Variants in TRPV4 observed in about 807,000 individuals in gnomAD.
The protein encoded by TRPV4 is transient receptor potential cation channel subfamily V member 4.
In TRPV4, 58 loss-of-function variants were observed where a neutral mutation model predicts 84.1. The ratio of observed to expected loss-of-function variants is 0.69; its 90% confidence interval spans 0.56 to 0.86. The LOEUF (loss-of-function observed/expected upper bound fraction) is 0.86, where lower values mean the gene tolerates loss of function less well. Ranked by LOEUF, TRPV4 falls within the 40% of genes least tolerant of loss-of-function variation. The pLI is 0.00. For synonymous variants in TRPV4, 489 were observed against 500.9 expected (o/e 0.98, Z 0.32); for missense variants, 879 against 1,181.1 (o/e 0.74, Z 3.75).
chr12:109,814,276 T>G lies in TRPV4; in HGVS notation c.386+135A>C, dbSNP rs1592862858. On this transcript the variant is annotated intron_variant, in intron 2 of 15. Coordinates refer to ENST00000261740, the MANE Select transcript of TRPV4 (RefSeq NM_021625.5). The surrounding 1 kb of genome is among the most constrained non-coding windows in gnomAD (Gnocchi z 5.4). Reference sequence around the variant, plus strand: ...AGATGAATAGATGGATGGATAGATGTATGGATGGTTGGATGGACAGATGGA... The same window carrying G: ...AGATGAATAGATGGATGGATAGATGGATGGATGGTTGGATGGACAGATGGA... The G allele has an allele frequency of 4.0e-6, 4 of 999,186 alleles. No individual in the cohort carries two copies. In the South Asian group the frequency reaches 4.1e-5, roughly 10 times the overall value. 61.9% of individuals were successfully genotyped at this position (999,186 alleles called of 1,614,324 possible).
rs1006728180 is a variant in TRPV4, at chr12:109,788,360, G to A, written c.2208+40C>T. The A allele has an allele frequency of 9.4e-6, 15 of 1,593,656 alleles. No individual in the cohort carries two copies. The African/African-American group carries it at 1.6e-4, about 17-fold the overall frequency. On this transcript the variant is annotated intron_variant, in intron 13 of 15. Transcript: ENST00000261740. ...GGGTGGGTCTCCTCGGAAGGACGAG[G>A]GTGGCTGGTAGAGTGGGGCTGGGGG...
intron 1 of TRPV4, among the ~76,000 whole-genome samples, chr12:109,824,213 C>T (rs910839029): frequency 1.3e-5 from 2 of 152,038 alleles, no homozygotes; most frequent in African/African-American, 2.4e-5. Flanking sequence ...GATCCGACCG[C>T]CTCGGCCTCT....
At chr12:109,826,884 G>C (rs1426190200) in intron 1 of TRPV4, among the ~76,000 whole-genome samples, 2 of 152,210 alleles carry the variant, frequency 1.3e-5, no homozygotes, top group African/African-American at 4.8e-5. Context: ...TCACAAAGTG[G>C]CCTCAAAGCA....
chr12:109,791,411 T>C (rs932884651), intron 12 of TRPV4, among the ~76,000 whole-genome samples: 1 of 151,666 alleles, frequency 6.6e-6, no homozygotes, highest in East Asian at 1.9e-4. Flanking sequence ...GTGGGTGCTA[T>C]TTTAAGCCCC....
chr12:109,792,268 AC>A, intron 12 of TRPV4, 94 bp downstream of exon 12: 12 of 898,564 alleles, frequency 1.3e-5, no homozygotes, highest in South Asian at 3.1e-5. Flanking sequence ...AAAAAAAAGA[AC>A]TCAGCAAGGC....
rs1890924664 is a variant in TRPV4 at position 109,803,235 on chromosome 12, A to G, written c.560-92T>C. On this transcript the variant is annotated intron_variant, in intron 3 of 15. Transcript: ENST00000261740. ...GGTACAGAACACTGGGTAGGGGGTCAGATGTCCTGGCTGTCAACATCTCCT... is the reference window on the plus strand; with the variant it reads ...GGTACAGAACACTGGGTAGGGGGTCGGATGTCCTGGCTGTCAACATCTCCT... The G allele has an allele frequency of 7.9e-5, 117 of 1,473,140 alleles. 1 individual carries two copies. The highest frequency in any genetic ancestry group is 1.1e-4 in the Non-Finnish European group (117 of 1,076,026). The allele number at this position is 1,473,140 out of a possible 1,614,324, so 91.3% of individuals were successfully genotyped here.
chr12:109,812,849 G>A (rs185385852), intron 2 of TRPV4, among the ~76,000 whole-genome samples: 2 of 152,300 alleles, frequency 1.3e-5, no homozygotes, highest in Non-Finnish European at 2.9e-5. Flanking sequence ...GTGTATGGCT[G>A]GACAGATGGC....
chr12:109,833,058 T>C (rs1193854829), intron 1 of TRPV4, among the ~76,000 whole-genome samples: 1 of 152,062 alleles, frequency 6.6e-6, no homozygotes, highest in Admixed American at 6.5e-5. Flanking sequence ...GTTCCCTGGC[T>C]TGGGGTCTCA....
Position 109,786,810 on chromosome 12 carries a change from GC to G in TRPV4, c.2235del (p.Glu745AspfsTer8). 1 of 1,613,990 alleles carries G rather than the reference GC, an allele frequency of 6.2e-7. No individual in the cohort carries two copies. Among genetic ancestry groups the G allele is most frequent in the South Asian group, 1.1e-5 (1 of 91,084 alleles). On this transcript the variant is annotated frameshift_variant, in exon 14 of 16. Coordinates refer to ENST00000261740, the MANE Select transcript of TRPV4 (RefSeq NM_021625.5). LOFTEE classifies it high-confidence loss of function. This position sits in a 1 kb window ranked among gnomAD's most constrained non-coding sequence, Gnocchi z 4.5. ...TTCCTCAGGAATACGGGGAAGGAGC[GC>G]TCAATGTCCAGGATGGTGGTGGCCC... Reference protein sequence around the residue: ...LQWATTILDIERSFPVFLRKA... With the variant: ...LQWATTILDIXRSFPVFLRKA...
rs1456136705 is a variant in TRPV4 at position 109,788,453 on chromosome 12, C to T, written c.2155G>A (p.Gly719Ser). 3 of 1,614,214 alleles carry T rather than the reference C, an allele frequency of 1.9e-6. No individual in the cohort carries two copies. The South Asian group carries it at 3.3e-5, about 18-fold the overall frequency. ...LLLNMLIALMGETVGQVSKES... is the reference protein window; with the variant it reads ...LLLNMLIALMSETVGQVSKES... ...TTGGAGACCTGGCCCACTGTCTCGC[C>T]CATGAGGGCAATGAGCATGTTGAGG... The change falls in exon 13 of 16, where the codon GGC becomes AGC. Residue 719 changes from glycine (G) to serine (S), a missense_variant. Coordinates refer to ENST00000261740, the MANE Select transcript of TRPV4 (RefSeq NM_021625.5).
At chr12:109,794,138 T>A in intron 8 of TRPV4, 116 bp from the exon 9 acceptor site, 2 of 1,143,184 alleles carry the variant, frequency 1.7e-6, no homozygotes, top group Non-Finnish European at 2.6e-6. Context: ...CCTCCTTCAC[T>A]CTCTTCCTCC....
chr12:109,808,197 G>A lies in TRPV4; in HGVS notation c.559+99C>T, dbSNP rs965093363. ...ACTTTCCAGGCCAATGCAGTCCACC[G>A]ACCCAAAGAAAGAAGCTGAGGGGAA... On this transcript the variant is annotated intron_variant, in intron 3 of 15. Coordinates refer to ENST00000261740, the MANE Select transcript of TRPV4 (RefSeq NM_021625.5). The A allele has an allele frequency of 2.1e-5, 30 of 1,399,156 alleles. No individual in the cohort carries two copies. In the Middle Eastern group the frequency reaches 6.4e-4, roughly 30 times the overall value. 86.7% of individuals were successfully genotyped at this position (1,399,156 alleles called of 1,614,324 possible). A position where few individuals can be genotyped will look rare whatever the true frequency, so the allele number is the denominator to read the frequency against.
chr12:109,798,548 C>T lies in TRPV4; in HGVS notation c.1152+66G>A. ...ATTAATAATGAATACCAGCAGCAGA[C>T]CCTCGTGTGTGTGTGCAGAGGGGTA... On this transcript the variant is annotated intron_variant, in intron 6 of 15. Coordinates refer to ENST00000261740, the MANE Select transcript of TRPV4 (RefSeq NM_021625.5). The surrounding 1 kb of genome is among the most constrained non-coding windows in gnomAD (Gnocchi z 5.0). The T allele has an allele frequency of 6.3e-7, 1 of 1,584,528 alleles. No homozygotes were observed. The highest frequency in any genetic ancestry group is 1.8e-4 in the Middle Eastern group (1 of 5,472).
At chr12:109,833,270 C>A (rs952926822) in intron 1 of TRPV4, 80 bp downstream of exon 1, 1 of 152,314 alleles carries the variant, frequency 6.6e-6, no homozygotes, top group African/African-American at 2.4e-5. Context: ...CCCCCGGAGC[C>A]GGACGGGCCA....
intron 1 of TRPV4, among the ~76,000 whole-genome samples, chr12:109,820,513 CCTAT>C (rs1892051537): frequency 3.7e-5 from 4 of 106,816 alleles, no homozygotes; most frequent in Admixed American, 3.1e-4. Context: ...CTTCAGCTGC[CCTAT>C]TTTTTTTTTT....
At position 109,820,514 on chromosome 12, in the gene TRPV4, CTATT is replaced by C. The variant is rs1892053997; in HGVS notation, c.-31-5691_-31-5688del. On this transcript the variant is annotated intron_variant, in intron 1 of 15. Transcript: ENST00000261740. ...CTGATCTTCACTTTCTTCAGCTGCCCTATTTTTTTTTTTTTTTTTTTTTTTTTGA... is the reference window on the plus strand; with the variant it reads ...CTGATCTTCACTTTCTTCAGCTGCCCTTTTTTTTTTTTTTTTTTTTTTTGA... 6.5e-5 allele frequency among the ~76,000 whole-genome samples: 8 copies of C among 123,078 alleles called. 2 individuals carry two copies. The highest frequency in any genetic ancestry group is 4.6e-4 in the Admixed American group (5 of 10,800). The allele number at this position is 123,078 out of a possible 152,430, so 80.7% of individuals were successfully genotyped here.
intron 3 of TRPV4, among the ~76,000 whole-genome samples, chr12:109,805,153 C>T (rs922566479): frequency 2.0e-5 from 3 of 152,238 alleles, no homozygotes; most frequent in African/African-American, 7.2e-5. Flanking sequence ...AGCCTGTGGG[C>T]ACCTTGAGGG....
intron 11 of TRPV4, 62 bp from the exon 12 acceptor site, chr12:109,792,491 T>C (rs1358003726): frequency 6.3e-7 from 1 of 1,592,432 alleles, no homozygotes; most frequent in Non-Finnish European, 8.6e-7. Flanking sequence ...ACTTTCCCCA[T>C]TCCTCCATCT....
In TRPV4 at chr12:109,833,379, G is replaced by C. The variant is rs916664278; in HGVS notation, c.-61C>G. The C allele has an allele frequency of 6.6e-6, 1 of 152,100 alleles. No individual in the cohort carries two copies. Among genetic ancestry groups the C allele is most frequent in the African/African-American group, 2.4e-5 (1 of 41,432 alleles). 9.4% of individuals were successfully genotyped at this position (152,100 alleles called of 1,614,324 possible). A position where few individuals can be genotyped will look rare whatever the true frequency, so the allele number is the denominator to read the frequency against. ...GGGACGGCTGGGCGCCGGCGGCCGGGAGATCCGCGCTTCCTGAATCCCGGC... is the reference window on the plus strand; with the variant it reads ...GGGACGGCTGGGCGCCGGCGGCCGGCAGATCCGCGCTTCCTGAATCCCGGC... On this transcript the variant is annotated 5_prime_UTR_variant, in exon 1 of 16. Coordinates refer to ENST00000261740, the MANE Select transcript of TRPV4 (RefSeq NM_021625.5).
Sources: gnomAD v4.1 joint callset for allele counts (sites outside exome capture counted in the v4.1 genomes callset) on GRCh38, gnomAD v4.1.1 for gene constraint, Gnocchi (gnomAD v3.1) non-coding constraint, MANE v1.5 for transcripts, NCBI Gene and HGNC (gene_info 2026-07-23, HGNC 2026-07-21) for gene names.